Variants in GABRB3 observed in about 807,000 individuals in gnomAD.
GABRB3 encodes the protein gamma-aminobutyric acid type A receptor subunit beta3, also known as gamma-aminobutyric acid receptor subunit beta-3.
In GABRB3, 14 loss-of-function variants were observed where a neutral mutation model predicts 52.1. The ratio of observed to expected loss-of-function variants is 0.27; its 90% CI spans 0.18 to 0.42. The LOEUF is 0.42. GABRB3 is among the 10% of genes least tolerant of loss of function. The pLI is 1.00. For synonymous variants in GABRB3, 260 were observed against 232.3 expected (o/e 1.12, Z -1.08); for missense variants, 307 against 609.1 (o/e 0.50, Z 5.22).
chr15:26,632,204 C>T (rs1000033739), intron 3 of GABRB3, among the ~76,000 whole-genome samples: 10 of 152,264 alleles, frequency 6.6e-5, no homozygotes, highest in Admixed American at 6.5e-4. Flanking sequence ...TACAGCAATG[C>T]GAAAGAAGTA....
At chr15:26,726,390 T>C (rs1292489151) in intron 3 of GABRB3, among the ~76,000 whole-genome samples, 1 of 152,230 alleles carries the variant, frequency 6.6e-6, no homozygotes, top group Non-Finnish European at 1.5e-5. Context: ...AATGGTCTCA[T>C]ATTAACTAAT....
chr15:26,554,143 A>AGTGTGTGT (rs1270530034), intron 8 of GABRB3, among the ~76,000 whole-genome samples: 2,469 of 29,720 alleles, frequency 0.083, 279 homozygotes, highest in African/African-American at 0.27. Context: ...ATATATATAA[A>AGTGTGTGT]GTATATATAT....
Position 26,674,276 on chromosome 15 carries a change from C to T in GABRB3, c.241-52742G>A, listed in dbSNP as rs1337816028. ...ATTTGCCTGGCATGGTGGCAGGTCCCTGTAATCCCAGCTTCCTGGGAGGCT... is the reference window on the plus strand; with the variant it reads ...ATTTGCCTGGCATGGTGGCAGGTCCTTGTAATCCCAGCTTCCTGGGAGGCT... On this transcript the variant is annotated intron_variant, in intron 3 of 8. Transcript: ENST00000311550. Among the ~76,000 whole-genome samples, 9 of 151,274 alleles carry T rather than the reference C, an allele frequency of 5.9e-5. No individual in the cohort carries two copies. The East Asian group carries it at 1.6e-3, about 26-fold the overall frequency.
intron 3 of GABRB3, among the ~76,000 whole-genome samples, chr15:26,704,934 G>T (rs557806363): frequency 6.6e-6 from 1 of 152,224 alleles, no homozygotes; most frequent in Non-Finnish European, 1.5e-5. Flanking sequence ...TTCATTCACT[G>T]CAATATAGGC....
At chr15:26,729,206 G>A (rs557729154) in intron 3 of GABRB3, among the ~76,000 whole-genome samples, 2 of 152,232 alleles carry the variant, frequency 1.3e-5, no homozygotes, top group Admixed American at 1.3e-4. Context: ...CCGCTGCACA[G>A]TGTATTCAGA....
chr15:26,588,502 C>T (rs771316443), intron 4 of GABRB3, among the ~76,000 whole-genome samples: 1 of 152,100 alleles, frequency 6.6e-6, no homozygotes, highest in East Asian at 1.9e-4. Flanking sequence ...AAGGCAGATG[C>T]GGCATTCAGA....
chr15:26,647,293 G>A (rs1044832384), intron 3 of GABRB3, among the ~76,000 whole-genome samples: 3 of 152,100 alleles, frequency 2.0e-5, no homozygotes, highest in Non-Finnish European at 2.9e-5. Flanking sequence ...TTTTATTCCT[G>A]GCTGTGAATT....
chr15:26,717,345 G>A (rs529128790), intron 3 of GABRB3, among the ~76,000 whole-genome samples: 1 of 151,518 alleles, frequency 6.6e-6, no homozygotes. Context: ...TCCACCCAAT[G>A]ACAGCCCAGC....
At chr15:26,561,512 G>T (rs11631853) in intron 7 of GABRB3, among the ~76,000 whole-genome samples, 20 of 151,608 alleles carry the variant, frequency 1.3e-4, no homozygotes, top group African/African-American at 4.6e-4. Flanking sequence ...AAAGAATGTG[G>T]TTTTTATGAA....
intron 8 of GABRB3, among the ~76,000 whole-genome samples, chr15:26,555,841 T>A (rs1889731496): frequency 6.6e-6 from 1 of 152,230 alleles, no homozygotes; most frequent in Admixed American, 6.5e-5. Context: ...TTTATGGTTT[T>A]ATGTTTGTAT....
intron 3 of GABRB3, among the ~76,000 whole-genome samples, chr15:26,644,238 A>C (rs1396267449): frequency 6.6e-6 from 1 of 152,238 alleles, no homozygotes; most frequent in Non-Finnish European, 1.5e-5. Flanking sequence ...TTCCTGCTAC[A>C]TGGAAAACAG....
At chr15:26,582,166 C>T (rs1027060451) in intron 5 of GABRB3, among the ~76,000 whole-genome samples, 1 of 152,208 alleles carries the variant, frequency 6.6e-6, no homozygotes, top group Non-Finnish European at 1.5e-5. Context: ...ACCTCTTCTA[C>T]AGCAGATCTT....
chr15:26,644,716 A>G (rs1362108998), intron 3 of GABRB3, among the ~76,000 whole-genome samples: 4 of 152,196 alleles, frequency 2.6e-5, no homozygotes, highest in African/African-American at 9.6e-5. Context: ...GAGTGGTGAC[A>G]GTGACAGTCA....
chr15:26,764,158 A>C (rs1890901710), intron 3 of GABRB3, among the ~76,000 whole-genome samples: 1 of 12,130 alleles, frequency 8.2e-5, no homozygotes, highest in Non-Finnish European at 1.8e-4. Flanking sequence ...TCAAAAAAAA[A>C]AAAAAAAAAA....
chr15:26,762,269 G>C (rs1411806153), intron 3 of GABRB3, among the ~76,000 whole-genome samples: 1 of 152,170 alleles, frequency 6.6e-6, no homozygotes, highest in Non-Finnish European at 1.5e-5. Context: ...ATTATAACAA[G>C]TGCTTTAATC....
In GABRB3 at chr15:26,578,260, G is replaced by A. The variant is rs1350044021; in HGVS notation, c.682+2059C>T. The stretch of plus-strand genomic sequence containing the variant: ...ACTTATGCCATTTCTTCATGCACAG[G>A]TGAATTAGAATAACTTTAAAGTGCA... On this transcript the variant is annotated intron_variant, in intron 6 of 8. Transcript: ENST00000311550. Among the ~76,000 whole-genome samples the A allele has an allele frequency of 2.6e-5, 4 of 152,188 alleles. No homozygotes were observed. The East Asian group carries it at 7.7e-4, about 29-fold the overall frequency.
chr15:26,600,367 A>ACCAACATC lies in GABRB3; in HGVS notation c.462-16954_462-16953insGATGTTGG, dbSNP rs561668308. On this transcript the variant is annotated intron_variant, in intron 4 of 8. Coordinates refer to ENST00000311550, the MANE Select transcript of GABRB3 (RefSeq NM_000814.6). Reference sequence around the variant, plus strand: ...AAACGTTCTTAATCTAGTAATAGATACAGAAGGAAATACAGAAGTCACCAA... The same window carrying ACCAACATC: ...AAACGTTCTTAATCTAGTAATAGATACCAACATCCAGAAGGAAATACAGAAGTCACCAA... Among the ~76,000 whole-genome samples the ACCAACATC allele has an allele frequency of 1.9e-3, 296 of 152,298 alleles. 5 individuals carry two copies. In the East Asian group the frequency reaches 0.036, roughly 19 times the overall value.
intron 4 of GABRB3, among the ~76,000 whole-genome samples, chr15:26,616,359 GT>G (rs1241071498): frequency 2.0e-5 from 3 of 152,160 alleles, no homozygotes; most frequent in Non-Finnish European, 4.4e-5. Flanking sequence ...TTGTCCAGTA[GT>G]TCAAATCAAT....
intron 4 of GABRB3, among the ~76,000 whole-genome samples, chr15:26,584,704 C>G (rs546624254): frequency 6.6e-6 from 1 of 152,340 alleles, no homozygotes; most frequent in South Asian, 2.1e-4. Context: ...ACTCTGCCTG[C>G]AGCCTTCTCT....
Sources: allele counts gnomAD v4.1 joint callset (sites outside exome capture counted in the v4.1 genomes callset), GRCh38; gene constraint gnomAD v4.1.1; transcripts MANE v1.5; gene names NCBI Gene and HGNC (gene_info 2026-07-23, HGNC 2026-07-21).